The following PRKN variants were observed in gnomAD, a reference collection of about 807,000 sequenced individuals.
PRKN encodes parkin RBR E3 ubiquitin protein ligase.
In PRKN, 56 loss-of-function variants were observed where a neutral mutation model predicts 59.5. The ratio of observed to expected loss-of-function variants is 0.94; its 90% confidence interval spans 0.76 to 1.18. The LOEUF is 1.18. Ranked by LOEUF, PRKN falls within the 50% of genes most tolerant of loss-of-function variation. The pLI is 0.00. For synonymous variants in PRKN, 250 were observed against 222.1 expected (o/e 1.13, Z -1.12); for missense variants, 657 against 596.4 (o/e 1.10, Z -1.06).
At chr6:162,135,070 A>G (rs570554140) in intron 4 of PRKN, among the ~76,000 whole-genome samples, 4 of 152,308 alleles carry the variant, frequency 2.6e-5, no homozygotes, top group Admixed American at 2.6e-4. Context: ...CACCTTTTAC[A>G]TAAAGAAATT....
At chr6:162,041,058 G>A (rs925392229) in intron 5 of PRKN, among the ~76,000 whole-genome samples, 7 of 151,894 alleles carry the variant, frequency 4.6e-5, no homozygotes, top group Non-Finnish European at 8.8e-5. Flanking sequence ...GATGGTATGC[G>A]CCTGTAGTCC....
intron 7 of PRKN, among the ~76,000 whole-genome samples, chr6:161,627,267 AC>A (rs1314333635): frequency 6.6e-6 from 1 of 152,238 alleles, no homozygotes; most frequent in African/African-American, 2.4e-5. Flanking sequence ...ATAAAGTTAT[AC>A]TTTTTTGATA....
chr6:162,377,127 A>G (rs1268910505), intron 2 of PRKN, among the ~76,000 whole-genome samples: 1 of 152,020 alleles, frequency 6.6e-6, no homozygotes, highest in African/African-American at 2.4e-5. Context: ...TTTGTTTCTT[A>G]CTCATTTCCC....
intron 4 of PRKN, among the ~76,000 whole-genome samples, chr6:162,194,093 T>C (rs752686545): frequency 6.6e-6 from 1 of 152,186 alleles, no homozygotes; most frequent in Non-Finnish European, 1.5e-5. Context: ...AAGAAATCGG[T>C]ATAAGCCAAG....
intron 7 of PRKN, among the ~76,000 whole-genome samples, chr6:161,574,330 G>A (rs970229270): frequency 5.9e-5 from 9 of 152,058 alleles, no homozygotes; most frequent in Non-Finnish European, 1.2e-4. Context: ...GGAAAACATG[G>A]GCCTGGCGAA....
intron 1 of PRKN, among the ~76,000 whole-genome samples, chr6:162,716,635 C>CA (rs1174698455): frequency 1.8e-4 from 27 of 152,310 alleles, no homozygotes; most frequent in Middle Eastern, 3.4e-3. Context: ...TACCCAGCTG[C>CA]AATGCACTAT....
chr6:162,403,470 A>G (rs1787900786), intron 2 of PRKN, among the ~76,000 whole-genome samples: 2 of 151,850 alleles, frequency 1.3e-5, no homozygotes, highest in South Asian at 4.2e-4. Flanking sequence ...AGCATATATC[A>G]CCATCTGAAA....
chr6:161,920,705 G>A (rs62435963), intron 6 of PRKN, among the ~76,000 whole-genome samples: 216 of 151,368 alleles, frequency 1.4e-3, no homozygotes, highest in Non-Finnish European at 1.9e-3. Flanking sequence ...CAGGAGAATC[G>A]CTTGAACCCA....
intron 7 of PRKN, among the ~76,000 whole-genome samples, chr6:161,773,001 G>A (rs1222916354): frequency 6.6e-6 from 1 of 152,074 alleles, no homozygotes; most frequent in Non-Finnish European, 1.5e-5. Context: ...ATTATTTAGG[G>A]TTGTATATAT....
chr6:161,586,415 G>A (rs1381520903), intron 7 of PRKN, among the ~76,000 whole-genome samples: 2 of 152,112 alleles, frequency 1.3e-5, no homozygotes, highest in Non-Finnish European at 1.5e-5. Flanking sequence ...TCTTGCTCAC[G>A]TTTACTCCAG....
At chr6:161,621,920 C>T (rs1323962362) in intron 7 of PRKN, among the ~76,000 whole-genome samples, 2 of 152,180 alleles carry the variant, frequency 1.3e-5, no homozygotes, top group Non-Finnish European at 2.9e-5. Flanking sequence ...AAAAAAAAGT[C>T]ACTTCTTAAT....
chr6:162,651,629 G>T (rs889943224), intron 1 of PRKN, among the ~76,000 whole-genome samples: 1 of 152,210 alleles, frequency 6.6e-6, no homozygotes, highest in African/African-American at 2.4e-5. Context: ...ATCACTTTTA[G>T]AAAGTTATAC....
At chr6:162,406,106 C>T (rs1357266382) in intron 2 of PRKN, among the ~76,000 whole-genome samples, 3 of 152,292 alleles carry the variant, frequency 2.0e-5, no homozygotes, top group African/African-American at 7.2e-5. Context: ...ATGACAGCTA[C>T]CATTTAGCAA....
At chr6:161,607,861 C>T (rs1772309789) in intron 7 of PRKN, among the ~76,000 whole-genome samples, 1 of 152,194 alleles carries the variant, frequency 6.6e-6, no homozygotes, top group African/African-American at 2.4e-5. Context: ...GGACAGCCGT[C>T]ACAGTGAGCA....
rs1779889170 is a variant in PRKN, at chr6:162,684,405, A to G, written c.7+43257T>C. On this transcript the variant is annotated intron_variant, in intron 1 of 11. Transcript: ENST00000366898. ...TCCATACAGTTCAAAAATTATGTCT[A>G]GTTTTTAAGATTATTAAATGTTACT... is the stretch of plus-strand genomic sequence containing the variant. 2.0e-5 allele frequency among the ~76,000 whole-genome samples: 3 copies of G among 152,164 alleles called. No homozygotes were observed. The South Asian group carries it at 6.2e-4, about 31-fold the overall frequency.
chr6:161,854,419 G>A (rs116415871), intron 6 of PRKN, among the ~76,000 whole-genome samples: 2,020 of 152,136 alleles, frequency 0.013, 39 homozygotes, highest in African/African-American at 0.044. Flanking sequence ...AGGGACAACC[G>A]CCAAAAATGA....
At chr6:162,581,973 C>G (rs932417388) in intron 1 of PRKN, among the ~76,000 whole-genome samples, 1 of 152,128 alleles carries the variant, frequency 6.6e-6, no homozygotes, top group Non-Finnish European at 1.5e-5. Context: ...CATGACCTCT[C>G]TCACAAAGGG....
At chr6:162,515,171 C>T (rs1777793843) in intron 1 of PRKN, among the ~76,000 whole-genome samples, 1 of 151,880 alleles carries the variant, frequency 6.6e-6, no homozygotes, top group South Asian at 2.1e-4. Context: ...CAACCTCCAC[C>T]TCCCAGGTTA....
At position 162,018,187 on chromosome 6, in the gene PRKN, C is replaced by T. The variant is rs528943442; in HGVS notation, c.618+35904G>A. Among the ~76,000 whole-genome samples the T allele has an allele frequency of 1.1e-4, 17 of 152,214 alleles. No individual in the cohort carries two copies. The East Asian group carries it at 2.3e-3, about 21-fold the overall frequency. On this transcript the variant is annotated intron_variant, in intron 5 of 11. Coordinates refer to ENST00000366898, the MANE Select transcript of PRKN (RefSeq NM_004562.3). The stretch of plus-strand genomic sequence containing the variant: ...GACTACAGGCGCCCATCGCCATGCC[C>T]GGCTAATTTTTTGTGTTTTTAGTAG...
Sources: allele counts gnomAD v4.1 joint callset (sites outside exome capture counted in the v4.1 genomes callset), GRCh38; gene constraint gnomAD v4.1.1; transcripts MANE v1.5; gene names NCBI Gene and HGNC (gene_info 2026-07-23, HGNC 2026-07-21).